SOX6: variants seen among roughly 807,000 people sequenced by gnomAD.
The protein encoded by SOX6 is SRY-box transcription factor 6, also known as transcription factor SOX-6.
Under a neutral mutation model 97.8 loss-of-function variants are expected in SOX6, and 11 were observed. That is an observed-to-expected ratio of 0.11 (90% CI 0.07 to 0.19). The LOEUF (loss-of-function observed/expected upper bound fraction) is 0.19, where lower values mean the gene tolerates loss of function less well. Ranked by LOEUF, SOX6 falls within the 10% of genes least tolerant of loss-of-function variation. SOX6 has a pLI of 1.00. For synonymous variants in SOX6, 360 were observed against 371.4 expected (o/e 0.97, Z 0.35); for missense variants, 810 against 1,039.5 (o/e 0.78, Z 3.04).
At chr11:16,070,770 C>T (rs547446323) in intron 9 of SOX6, among the ~76,000 whole-genome samples, 2 of 152,046 alleles carry the variant, frequency 1.3e-5, no homozygotes, top group Admixed American at 1.3e-4. Flanking sequence ...GGGTGAGAGC[C>T]CCCTGGCGGG....
intron 1 of SOX6, among the ~76,000 whole-genome samples, chr11:16,462,043 T>C (rs556551819): frequency 3.7e-4 from 57 of 152,360 alleles, no homozygotes; most frequent in African/African-American, 1.3e-3. Flanking sequence ...GGAGCTGAAT[T>C]AGTTTCCAAC....
At chr11:16,301,189 G>A (rs927886745) in intron 3 of SOX6, among the ~76,000 whole-genome samples, 3 of 152,078 alleles carry the variant, frequency 2.0e-5, no homozygotes, top group Admixed American at 6.6e-5. Context: ...AAATGAGAAG[G>A]TAATATCTAT....
chr11:16,523,546 G>A (rs11517757), intron 4 of SOX6, among the ~76,000 whole-genome samples: 58,135 of 151,570 alleles, frequency 0.38, 12,323 homozygotes, highest in Non-Finnish European at 0.46. Context: ...ATCTAAAATT[G>A]ACACCCTAAC....
rs138405252 is a variant in SOX6 at position 16,613,627 on chromosome 11, G to GCA, written n.430-1369_430-1368dup. On this transcript the variant is annotated intron_variant and non_coding_transcript_variant, in intron 3 of 5. Coordinates refer to the SOX6 transcript ENST00000524520. This position sits in a 1 kb window ranked among gnomAD's most constrained non-coding sequence, Gnocchi z 4.6. ...TCCACGCGCGCGCGCGGACCCACGAGCACACACACACGCACGCACACACAC... is the reference window on the plus strand; with the variant it reads ...TCCACGCGCGCGCGCGGACCCACGAGCACACACACACACGCACGCACACACAC... 6.6e-6 allele frequency among the ~76,000 whole-genome samples: 1 copy of GCA among 151,924 alleles called. No homozygotes were observed. The highest frequency in any genetic ancestry group is 1.5e-5 in the Non-Finnish European group (1 of 67,950).
chr11:16,520,104 G>C (rs1861034963), intron 4 of SOX6, among the ~76,000 whole-genome samples: 1 of 152,056 alleles, frequency 6.6e-6, no homozygotes. Context: ...TATGTTTTTT[G>C]TTAGATGCAT....
At chr11:16,058,314 A>G (rs948671652) in intron 9 of SOX6, among the ~76,000 whole-genome samples, 2 of 151,680 alleles carry the variant, frequency 1.3e-5, no homozygotes, top group African/African-American at 2.4e-5. Flanking sequence ...AATATTAATT[A>G]TAGATTTGGG....
intron 2 of SOX6, among the ~76,000 whole-genome samples, chr11:16,724,386 T>C (rs941873080): frequency 3.9e-5 from 6 of 152,056 alleles, no homozygotes; most frequent in African/African-American, 1.4e-4. Flanking sequence ...GTAAAGCATA[T>C]GTAAGGAACA....
At chr11:16,545,174 G>A (rs937018500) in intron 4 of SOX6, among the ~76,000 whole-genome samples, 3 of 152,040 alleles carry the variant, frequency 2.0e-5, no homozygotes, top group Non-Finnish European at 4.4e-5. Flanking sequence ...AGTTGAAGCA[G>A]TGAGAGAAAA....
chr11:16,220,544 G>A (rs1188185174), intron 4 of SOX6, among the ~76,000 whole-genome samples: 1 of 151,972 alleles, frequency 6.6e-6, no homozygotes, highest in Non-Finnish European at 1.5e-5. Context: ...ACCAATTTCT[G>A]GGGCTTCCTT....
At chr11:16,111,599 G>A (rs533578980) in intron 7 of SOX6, among the ~76,000 whole-genome samples, 35 of 152,300 alleles carry the variant, frequency 2.3e-4, no homozygotes, top group African/African-American at 8.4e-4. Flanking sequence ...AACTCAAGTG[G>A]AAGAAGAGAA....
At chr11:16,712,242 C>A (rs568723555) in intron 3 of SOX6, among the ~76,000 whole-genome samples, 1 of 152,274 alleles carries the variant, frequency 6.6e-6, no homozygotes, top group East Asian at 1.9e-4. Context: ...ATAATGGCTT[C>A]TTTCCCTCTG....
intron 6 of SOX6, among the ~76,000 whole-genome samples, chr11:16,122,112 C>G (rs1849508812): frequency 6.6e-6 from 1 of 151,934 alleles, no homozygotes; most frequent in Non-Finnish European, 1.5e-5. Flanking sequence ...TAAGGCAGAA[C>G]AGCAAATCTC....
intron 1 of SOX6, among the ~76,000 whole-genome samples, chr11:16,369,065 C>T (rs1857435717): frequency 6.6e-6 from 1 of 151,760 alleles, no homozygotes. Context: ...ACTCTGTTCT[C>T]CACAAAAAGG....
At chr11:16,159,989 A>G (rs1364670734) in intron 6 of SOX6, among the ~76,000 whole-genome samples, 3 of 152,192 alleles carry the variant, frequency 2.0e-5, no homozygotes. Context: ...CTAACATACC[A>G]GAAATGCAGG....
intron 3 of SOX6, among the ~76,000 whole-genome samples, chr11:16,634,284 T>G (rs2133998109): frequency 6.7e-6 from 1 of 148,156 alleles, no homozygotes. Flanking sequence ...GAAAAGTCTG[T>G]GAATTTGTAG....
At chr11:16,589,674 C>A (rs886671328) in intron 4 of SOX6, among the ~76,000 whole-genome samples, 1 of 151,730 alleles carries the variant, frequency 6.6e-6, no homozygotes, top group Non-Finnish European at 1.5e-5. Flanking sequence ...ATTTAATCAT[C>A]AAGAATACAA....
At chr11:16,481,639 C>T (rs971574372) in intron 4 of SOX6, among the ~76,000 whole-genome samples, 16 of 152,192 alleles carry the variant, frequency 1.1e-4, no homozygotes, top group Admixed American at 8.5e-4. Context: ...ATTGACAAAG[C>T]ATTCAGAGGA....
intron 1 of SOX6, among the ~76,000 whole-genome samples, chr11:16,456,874 A>G (rs999779328): frequency 6.6e-6 from 1 of 152,092 alleles, no homozygotes; most frequent in African/African-American, 2.4e-5. Flanking sequence ...ATATATCCAA[A>G]TTAGTTTTGT....
At chr11:16,281,672 A>G (rs1268823849) in intron 3 of SOX6, among the ~76,000 whole-genome samples, 1 of 151,894 alleles carries the variant, frequency 6.6e-6, no homozygotes, top group Non-Finnish European at 1.5e-5. Context: ...TATAGTACTT[A>G]AGTCTGGCAA....
Sources: allele counts gnomAD v4.1 joint callset (sites outside exome capture counted in the v4.1 genomes callset), GRCh38; gene constraint gnomAD v4.1.1; non-coding constraint Gnocchi (gnomAD v3.1); transcripts MANE v1.5; gene names NCBI Gene and HGNC (gene_info 2026-07-23, HGNC 2026-07-21).